Variants in NRIP3 observed in about 807,000 individuals in gnomAD.
NRIP3 encodes nuclear receptor interacting protein 3.
Under a neutral mutation model 29.0 loss-of-function variants are expected in NRIP3, and 31 were observed. The ratio of observed to expected loss-of-function variants is 1.07; its 90% CI spans 0.80 to 1.44. The LOEUF is 1.44. NRIP3 is among the 40% of genes most tolerant of loss of function. The pLI is 0.00. For missense variants in NRIP3, 314 were observed against 297.9 expected (o/e 1.05, Z -0.40); for synonymous variants, 131 against 118.3 (o/e 1.11, Z -0.70).
rs551980362 is a variant in NRIP3, at chr11:8,982,067, G to A, written c.*1478C>T. 3.9e-5 allele frequency: 6 copies of A among 152,294 alleles called. No individual in the cohort carries two copies. Among genetic ancestry groups the A allele is most frequent in the African/African-American group, 9.6e-5 (4 of 41,556 alleles). 9.4% of individuals were successfully genotyped at this position (152,294 alleles called of 1,614,324 possible). On this transcript the variant is annotated 3_prime_UTR_variant, in exon 7 of 7. Coordinates refer to ENST00000309166, the MANE Select transcript of NRIP3 (RefSeq NM_020645.3). ...CTGAGAACTACTGCTATGACACAGG[G>A]TAGACTTGGGAATATCTTAAAGGGA...
At chr11:9,001,669 A>G (rs1347018072) in intron 1 of NRIP3, among the ~76,000 whole-genome samples, 1 of 152,234 alleles carries the variant, frequency 6.6e-6, no homozygotes, top group Non-Finnish European at 1.5e-5. Context: ...AAGAATAATA[A>G]TGTACTTCTA....
chr11:8,983,666 C>A, intron 6 of NRIP3, 106 bp from the exon 7 acceptor site: 2 of 1,070,056 alleles, frequency 1.9e-6, no homozygotes, highest in East Asian at 2.5e-5. Context: ...CCCTACCACT[C>A]TGTGTGGCAT....
In NRIP3 at chr11:9,003,973, C is replaced by G. The variant is rs552816611; in HGVS notation, c.-38G>C. ...GGCGGCCCGGTAGCCCACAGCCCCC[C>G]GGCAGCCTCAGCCTCGAGCTCCTCC... On this transcript the variant is annotated 5_prime_UTR_variant, in exon 1 of 7. Coordinates refer to ENST00000309166, the MANE Select transcript of NRIP3 (RefSeq NM_020645.3). 7 of 1,458,348 alleles carry G rather than the reference C, an allele frequency of 4.8e-6. No homozygotes were observed. In the African/African-American group the frequency reaches 5.9e-5, roughly 12 times the overall value. 90.3% of individuals were successfully genotyped at this position (1,458,348 alleles called of 1,614,324 possible). A position where few individuals can be genotyped will look rare whatever the true frequency, so the allele number is the denominator to read the frequency against.
intron 3 of NRIP3, among the ~76,000 whole-genome samples, chr11:8,986,693 T>C (rs1854526860): frequency 6.6e-6 from 1 of 152,212 alleles, no homozygotes; most frequent in Non-Finnish European, 1.5e-5. Flanking sequence ...TCTGGAACCA[T>C]CATGTTGCAC....
chr11:8,985,032 G>T (rs1854489534), intron 4 of NRIP3, among the ~76,000 whole-genome samples: 1 of 151,836 alleles, frequency 6.6e-6, no homozygotes, highest in Non-Finnish European at 1.5e-5. Flanking sequence ...TGTATTTTTA[G>T]TACAGACGGG....
At chr11:8,985,039 C>T (rs1038494344) in intron 4 of NRIP3, among the ~76,000 whole-genome samples, 5 of 151,938 alleles carry the variant, frequency 3.3e-5, no homozygotes, top group Non-Finnish European at 7.4e-5. Context: ...TTAGTACAGA[C>T]GGGGTTTCTC....
chr11:8,982,233 T>G lies in NRIP3; in HGVS notation c.*1312A>C, dbSNP rs1334324490. The G allele has an allele frequency of 6.6e-6, 1 of 152,236 alleles. No homozygotes were observed. The highest frequency in any genetic ancestry group is 1.5e-5 in the Non-Finnish European group (1 of 68,062). The allele number at this position is 152,236 out of a possible 1,614,324, so 9.4% of individuals were successfully genotyped here. On this transcript the variant is annotated 3_prime_UTR_variant, in exon 7 of 7. Transcript: ENST00000309166. ...AAGAAACCTTGTATTCTCCCCAACC[T>G]TTGACAGGGGTCAGGAAATACTGGG...
At chr11:8,985,963 A>C in intron 3 of NRIP3, 113 bp from the exon 4 acceptor site, 1 of 1,284,278 alleles carries the variant, frequency 7.8e-7, no homozygotes, top group South Asian at 1.4e-5. Context: ...CCTGGGATTA[A>C]TCTACCGAAA....
rs866984547 is a variant in NRIP3 at position 8,985,830 on chromosome 11, G to A, written c.443C>T (p.Ser148Phe). ...DRLGLKEHVK[S>F]HKHEGEKLSL... ...AAGCTTTTCTCCTTCATGCTTGTGGGATTTGACATGCTCCTTGAGTCTGTA... is the reference window on the plus strand; with the variant it reads ...AAGCTTTTCTCCTTCATGCTTGTGGAATTTGACATGCTCCTTGAGTCTGTA... Residue 148 changes from serine (S) to phenylalanine (F), a missense_variant, in exon 4 of 7, where the codon TCC becomes TTC. By Grantham distance (155) the Ser-to-Phe change is radical (BLOSUM62 -2). Transcript: ENST00000309166. The A allele has an allele frequency of 2.5e-6, 4 of 1,614,110 alleles. No homozygotes were observed. Among genetic ancestry groups the A allele is most frequent in the Non-Finnish European group, 3.4e-6 (4 of 1,180,002 alleles).
chr11:8,985,656 G>T lies in NRIP3; in HGVS notation c.562+55C>A, dbSNP rs1285052793. ...TGAGATGACATGAGGTTTTGTTGGGGGTAGGGAGAGGGTTTCCGTTAGGGT... is the reference window on the plus strand; with the variant it reads ...TGAGATGACATGAGGTTTTGTTGGGTGTAGGGAGAGGGTTTCCGTTAGGGT... On this transcript the variant is annotated intron_variant, in intron 4 of 6. Coordinates refer to ENST00000309166, the MANE Select transcript of NRIP3 (RefSeq NM_020645.3). 22 of 1,580,962 alleles carry T rather than the reference G, an allele frequency of 1.4e-5. No homozygotes were observed. In the East Asian group the frequency reaches 3.2e-4, roughly 23 times the overall value.
At chr11:8,999,204 A>G (rs1854758111) in intron 1 of NRIP3, among the ~76,000 whole-genome samples, 1 of 152,198 alleles carries the variant, frequency 6.6e-6, no homozygotes, top group African/African-American at 2.4e-5. Context: ...GGCTAAGTTA[A>G]AAACCTCATG....
At chr11:8,992,126 G>A (rs1425069313) in intron 1 of NRIP3, among the ~76,000 whole-genome samples, 1 of 152,186 alleles carries the variant, frequency 6.6e-6, no homozygotes, top group African/African-American at 2.4e-5. Flanking sequence ...AAAAGCAGTT[G>A]TACTACTCAA....
At chr11:8,984,199 G>A in intron 4 of NRIP3, 75 bp from the exon 5 acceptor site, 1 of 894,788 alleles carries the variant, frequency 1.1e-6, no homozygotes, top group Non-Finnish European at 1.9e-6. Context: ...TCACTATTAG[G>A]TTCCATCCAT....
Position 8,988,148 on chromosome 11 carries a change from C to A in NRIP3, c.309G>T (p.Glu103Asp). The A allele has an allele frequency of 6.2e-7, 1 of 1,614,166 alleles. No homozygotes were observed. The highest frequency in any genetic ancestry group is 1.1e-5 in the South Asian group (1 of 91,062). ...AAGAAACCAAAATCATGTCATCCTCCTCAGACTTCTTTAGCCCCTCAGACT... is the reference window on the plus strand; with the variant it reads ...AAGAAACCAAAATCATGTCATCCTCATCAGACTTCTTTAGCCCCTCAGACT... ...QAKSEGLKKSEEDDMILVSCQ... is the reference protein window; with the variant it reads ...QAKSEGLKKSDEDDMILVSCQ... The change falls in exon 2 of 7, where the codon GAG becomes GAT. Residue 103 changes from glutamate to aspartate, a missense_variant. Glu to Asp is a conservative substitution (Grantham distance 45). Coordinates refer to ENST00000309166, the MANE Select transcript of NRIP3 (RefSeq NM_020645.3).
intron 1 of NRIP3, among the ~76,000 whole-genome samples, chr11:8,994,905 T>C (rs189145399): frequency 4.6e-5 from 7 of 152,346 alleles, no homozygotes; most frequent in Admixed American, 3.3e-4. Context: ...ATGATGACTC[T>C]ATCTCATGTC....
intron 1 of NRIP3, among the ~76,000 whole-genome samples, chr11:8,996,246 C>G (rs958612009): frequency 6.6e-6 from 1 of 151,312 alleles, no homozygotes; most frequent in Non-Finnish European, 1.5e-5. Flanking sequence ...AAATCTCTAC[C>G]CCTTCTTTCT....
At chr11:8,987,334 A>C (rs901823717) in intron 3 of NRIP3, among the ~76,000 whole-genome samples, 3 of 152,132 alleles carry the variant, frequency 2.0e-5, no homozygotes, top group African/African-American at 7.2e-5. Context: ...GTTAACAGAA[A>C]GCCAAAGGTT....
chr11:8,996,698 G>T (rs2134925384), intron 1 of NRIP3, among the ~76,000 whole-genome samples: 1 of 152,236 alleles, frequency 6.6e-6, no homozygotes, highest in Non-Finnish European at 1.5e-5. Flanking sequence ...TATAAATATG[G>T]TTAAGTGGTT....
At chr11:8,995,565 C>G (rs1235338398) in intron 1 of NRIP3, among the ~76,000 whole-genome samples, 1 of 152,218 alleles carries the variant, frequency 6.6e-6, no homozygotes, top group Non-Finnish European at 1.5e-5. Context: ...TTTACTACCT[C>G]CAATCTAATC....
Sources: allele counts gnomAD v4.1 joint callset (sites outside exome capture counted in the v4.1 genomes callset), GRCh38; gene constraint gnomAD v4.1.1; transcripts MANE v1.5; gene names NCBI Gene and HGNC (gene_info 2026-07-23, HGNC 2026-07-21).